The following AGAP1 variants were observed in gnomAD, a reference collection of about 807,000 sequenced individuals.
AGAP1 encodes the protein arf-GAP with GTPase, ANK repeat and PH domain-containing protein 1.
In AGAP1, 29 loss-of-function variants were observed where a neutral mutation model predicts 105.3. The observed-to-expected ratio is 0.28, with a 90% CI of 0.21 to 0.38. The LOEUF (loss-of-function observed/expected upper bound fraction) is 0.38, where lower values mean the gene tolerates loss of function less well. Among genes scored for constraint, AGAP1 ranks in the 10% least tolerant of loss-of-function variants. The probability of loss-of-function intolerance (pLI) is 1.00; values close to 1 mark genes in which losing one functional copy is unlikely to be tolerated. For synonymous variants in AGAP1, 509 were observed against 485.9 expected, an observed-to-expected ratio of 1.05 and a Z score of -0.63; for missense variants, 998 against 1,165.1, an observed-to-expected ratio of 0.86 and a Z score of 2.09.
chr2:236,109,336 A>G lies in AGAP1; in HGVS notation c.2115-10856A>G, dbSNP rs538567553. Among the ~76,000 whole-genome samples the G allele has an allele frequency of 1.5e-3, 221 of 152,334 alleles. 1 individual carries two copies. Among genetic ancestry groups the G allele is most frequent in the Non-Finnish European group, 2.2e-3 (153 of 68,030 alleles). On this transcript the variant is annotated intron_variant, in intron 16 of 17. Transcript: ENST00000304032. This position sits in a 1 kb window ranked among gnomAD's most constrained non-coding sequence, Gnocchi z 5.4. Reference sequence around the variant, plus strand: ...ACTTCTGTTTTGGGTACTGGTATCTATATGACTTGCCTTTTCCTTTTAGTG... The same window carrying G: ...ACTTCTGTTTTGGGTACTGGTATCTGTATGACTTGCCTTTTCCTTTTAGTG...
intron 1 of AGAP1, among the ~76,000 whole-genome samples, chr2:235,649,209 G>A (rs1322894339): frequency 1.3e-5 from 2 of 152,258 alleles, no homozygotes; most frequent in African/African-American, 2.4e-5. Flanking sequence ...GATTTTGTGG[G>A]GCAGTGGGAA....
intron 16 of AGAP1, among the ~76,000 whole-genome samples, chr2:236,075,158 C>T (rs930050373): frequency 5.3e-5 from 8 of 152,052 alleles, no homozygotes; most frequent in African/African-American, 1.7e-4. Flanking sequence ...GCGGTTGCGT[C>T]GGTGTGGAAA....
intron 1 of AGAP1, among the ~76,000 whole-genome samples, chr2:235,648,734 A>C (rs1249268125): frequency 1.3e-5 from 2 of 149,562 alleles, no homozygotes; most frequent in African/African-American, 5.0e-5. Flanking sequence ...AAAAAAAAAA[A>C]ACATTAGCTG....
At chr2:235,815,777 G>A (rs1246946261) in intron 9 of AGAP1, among the ~76,000 whole-genome samples, 2 of 152,230 alleles carry the variant, frequency 1.3e-5, no homozygotes, top group African/African-American at 4.8e-5. Flanking sequence ...ACTTTCCTAA[G>A]TTGTGGTAAA....
rs541991823 is a variant in AGAP1, at chr2:235,995,988, G to C, written c.1645+27365G>C. On this transcript the variant is annotated intron_variant, in intron 13 of 17. Transcript: ENST00000304032. ...TTTCAGCCCTCACAGCCTCCCTGCA[G>C]TGTTATTAGCTGTTCCTGATTTGGA... Among the ~76,000 whole-genome samples, 16 of 152,302 alleles carry C rather than the reference G, an allele frequency of 1.1e-4. 1 individual carries two copies. In the South Asian group the frequency reaches 3.3e-3, roughly 32 times the overall value.
At chr2:235,764,235 T>C (rs764096393) in intron 6 of AGAP1, among the ~76,000 whole-genome samples, 1 of 152,176 alleles carries the variant, frequency 6.6e-6, no homozygotes, top group Non-Finnish European at 1.5e-5. Context: ...AAACTGCCAG[T>C]TCCTTGAGCA....
intron 8 of AGAP1, 57 bp from the exon 9 acceptor site, chr2:235,807,182 G>A (rs1188496098): frequency 1.9e-6 from 3 of 1,542,872 alleles, no homozygotes; most frequent in African/African-American, 2.8e-5. Flanking sequence ...CAGGGGCAGA[G>A]CCCCGTCTGT....
chr2:235,605,799 T>A (rs1037810578), intron 1 of AGAP1, among the ~76,000 whole-genome samples: 9 of 152,224 alleles, frequency 5.9e-5, no homozygotes, highest in Non-Finnish European at 8.8e-5. Context: ...CTCTAGAATT[T>A]CAGCGCAGAT....
rs1034458280 is a variant in AGAP1 at position 235,801,454 on chromosome 2, A to G, written c.957+1932A>G. Among the ~76,000 whole-genome samples the G allele has an allele frequency of 5.3e-5, 8 of 152,130 alleles. No homozygotes were observed. The highest frequency in any genetic ancestry group is 8.8e-5 in the Non-Finnish European group (6 of 68,040). Reference sequence around the variant, plus strand: ...AGGTTTCTGTAAAATACAGGTGAGTATCTCACATGCTTAAATTAGTGCATG... The same window carrying G: ...AGGTTTCTGTAAAATACAGGTGAGTGTCTCACATGCTTAAATTAGTGCATG... On this transcript the variant is annotated intron_variant, in intron 8 of 17. Transcript: ENST00000304032. This position sits in a 1 kb window ranked among gnomAD's most constrained non-coding sequence, Gnocchi z 6.0.
chr2:235,818,356 G>A (rs1329974574), intron 9 of AGAP1, among the ~76,000 whole-genome samples: 1 of 152,200 alleles, frequency 6.6e-6, no homozygotes, highest in Non-Finnish European at 1.5e-5. Flanking sequence ...AAATCCAGGA[G>A]TCCTCTCTGA....
intron 13 of AGAP1, among the ~76,000 whole-genome samples, chr2:236,031,267 C>T (rs1048963177): frequency 5.3e-5 from 8 of 152,168 alleles, no homozygotes; most frequent in African/African-American, 1.4e-4. Flanking sequence ...AGTTTGCCTT[C>T]ACTAAAGGCC....
chr2:235,815,365 T>C (rs1329900033), intron 9 of AGAP1, among the ~76,000 whole-genome samples: 1 of 152,208 alleles, frequency 6.6e-6, no homozygotes, highest in East Asian at 1.9e-4. Context: ...CTGGACTCCA[T>C]GTGCACACGC....
rs201718693 is a variant in AGAP1, at chr2:235,999,164, A to G, written c.1645+30541A>G. On this transcript the variant is annotated intron_variant, in intron 13 of 17. Coordinates refer to ENST00000304032, the MANE Select transcript of AGAP1 (RefSeq NM_001037131.3). ...ACGATGGTGAGAGGTGGTGGTGGTG[A>G]TGATGATGATAATGGTGATGGTGAT... Among the ~76,000 whole-genome samples, 77 of 57,890 alleles carry G rather than the reference A, an allele frequency of 1.3e-3. No individual in the cohort carries two copies. The East Asian group carries it at 0.015, about 11-fold the overall frequency. 38.0% of individuals were successfully genotyped at this position (57,890 alleles called of 152,430 possible).
chr2:235,820,031 C>G lies in AGAP1; in HGVS notation c.1050+12700C>G, dbSNP rs150378426. ...TGATTCTTTTGCCTCAGCCTCCCGG[C>G]TAGCTGAGATTACAGGCATTCACCA... On this transcript the variant is annotated intron_variant, in intron 9 of 17. Coordinates refer to ENST00000304032, the MANE Select transcript of AGAP1 (RefSeq NM_001037131.3). Among the ~76,000 whole-genome samples, 435 of 151,804 alleles carry G rather than the reference C, an allele frequency of 2.9e-3. 2 individuals are homozygous for G. The highest frequency in any genetic ancestry group is 0.02 in the East Asian group (102 of 5,130).
chr2:235,591,040 C>T (rs1945322450), intron 1 of AGAP1, among the ~76,000 whole-genome samples: 1 of 141,422 alleles, frequency 7.1e-6, no homozygotes, highest in Non-Finnish European at 1.5e-5. Context: ...TTTTTTGAGA[C>T]AGTCTCGCTC....
intron 1 of AGAP1, chr2:235,507,568 C>T (rs1941877868): frequency 6.6e-6 from 1 of 152,206 alleles, no homozygotes; most frequent in Non-Finnish European, 1.5e-5. Context: ...GTAATAGCAC[C>T]TGCCGCTTGA....
chr2:235,882,469 C>T lies in AGAP1; in HGVS notation c.1051-876C>T. 2 of 1,572,066 alleles carry T rather than the reference C, an allele frequency of 1.3e-6. No homozygotes were observed. Among genetic ancestry groups the T allele is most frequent in the Non-Finnish European group, 1.7e-6 (2 of 1,146,492 alleles). ...TTGGCCCTATTGAAGCTGGCGATTC[C>T]CCCCACGTCTGGTTTGTCTGCCATT... On this transcript the variant is annotated intron_variant, in intron 9 of 17. Coordinates refer to ENST00000304032, the MANE Select transcript of AGAP1 (RefSeq NM_001037131.3). The surrounding 1 kb of genome is among the most constrained non-coding windows in gnomAD (Gnocchi z 4.6).
At chr2:235,840,716 A>G (rs1211936737) in intron 9 of AGAP1, among the ~76,000 whole-genome samples, 3 of 151,914 alleles carry the variant, frequency 2.0e-5, no homozygotes, top group Non-Finnish European at 4.4e-5. Flanking sequence ...AGTAGAATAG[A>G]TAGGACCGAT....
rs535724887 is a variant in AGAP1 at position 236,040,017 on chromosome 2, A to T, written c.1801-734A>T. On this transcript the variant is annotated intron_variant, in intron 14 of 17. Coordinates refer to ENST00000304032, the MANE Select transcript of AGAP1 (RefSeq NM_001037131.3). The surrounding 1 kb of genome is among the most constrained non-coding windows in gnomAD (Gnocchi z 5.6). The stretch of plus-strand genomic sequence containing the variant: ...TCTCAACACTATAGGAGGCTAAGGC[A>T]GGAGGATCACTTGAGCCCACGAGTT... 6.6e-6 allele frequency among the ~76,000 whole-genome samples: 1 copy of T among 152,148 alleles called. No individual in the cohort carries two copies. Among genetic ancestry groups the T allele is most frequent in the South Asian group, 2.1e-4 (1 of 4,806 alleles).
Sources: gnomAD v4.1 joint callset for allele counts (sites outside exome capture counted in the v4.1 genomes callset) on GRCh38, gnomAD v4.1.1 for gene constraint, Gnocchi (gnomAD v3.1) non-coding constraint, MANE v1.5 for transcripts, NCBI Gene and HGNC (gene_info 2026-07-23, HGNC 2026-07-21) for gene names.